Variants in SULT1E1 observed in about 807,000 individuals in gnomAD.
The protein encoded by SULT1E1 is sulfotransferase 1E1.
SULT1E1 carries 36 observed loss-of-function variants against 33.6 expected under a neutral mutation model. The ratio of observed to expected loss-of-function variants is 1.07; its 90% CI spans 0.82 to 1.41. SULT1E1 has a LOEUF of 1.41. Ranked by LOEUF, SULT1E1 falls within the 40% of genes most tolerant of loss-of-function variation. The probability of loss-of-function intolerance (pLI) is 0.00; values close to 1 mark genes in which losing one functional copy is unlikely to be tolerated. For missense variants in SULT1E1, 371 were observed against 345.7 expected (o/e 1.07, Z -0.58); for synonymous variants, 121 against 111.7 (o/e 1.08, Z -0.53).
At chr4:69,825,573 T>C in the SULT1E1 span, among the ~76,000 whole-genome samples, 1 of 152,290 alleles carries the variant, frequency 6.6e-6, no homozygotes, top group African/African-American at 2.4e-5. Context: ...TCAGGCTTTC[T>C]GGGAAAGTGT....
chr4:69,834,858 A>G, the SULT1E1 span, among the ~76,000 whole-genome samples: 1 of 152,006 alleles, frequency 6.6e-6, no homozygotes, highest in Non-Finnish European at 1.5e-5. Flanking sequence ...CGCTGTTTCT[A>G]TTTCCTCATT....
chr4:69,849,424 A>G lies in SULT1E1; in HGVS notation c.496+13T>C. 6.2e-7 allele frequency: 1 copy of G among 1,608,592 alleles called. No homozygotes were observed. Among genetic ancestry groups the G allele is most frequent in the African/African-American group, 1.3e-5 (1 of 74,762 alleles). On this transcript the variant is annotated intron_variant, in intron 5 of 7. Transcript: ENST00000226444. ...CCTTGAAAAAAAATTCAGTGTAAAG[A>G]AGCTGTTCCTACCCTGTCCTTGCAT...
chr4:69,827,855 T>A, the SULT1E1 span, among the ~76,000 whole-genome samples: 5 of 152,200 alleles, frequency 3.3e-5, no homozygotes, highest in Admixed American at 6.5e-5. Flanking sequence ...GAGGGCTTGT[T>A]ATCAGTGTGG....
chr4:69,835,110 C>T, the SULT1E1 span, among the ~76,000 whole-genome samples: 1 of 152,136 alleles, frequency 6.6e-6, no homozygotes, highest in Non-Finnish European at 1.5e-5. Context: ...ACTCTTTTAC[C>T]TAGTCCTTCA....
At chr4:69,854,047 T>C (rs1336441133) in intron 4 of SULT1E1, among the ~76,000 whole-genome samples, 170 bp downstream of exon 4, 2 of 152,054 alleles carry the variant, frequency 1.3e-5, no homozygotes, top group African/African-American at 2.4e-5. Context: ...AAAGACAGAG[T>C]TGGAATTAAA....
At chr4:69,841,135 T>C (rs936199694), downstream of SULT1E1, 5 of 152,180 alleles carry the variant, frequency 3.3e-5, no homozygotes, top group African/African-American at 9.6e-5. Context: ...TCATTCTTTC[T>C]TCCAGAGTCT....
chr4:69,858,691 A>G (rs1006962142), intron 1 of SULT1E1, among the ~76,000 whole-genome samples: 1 of 152,156 alleles, frequency 6.6e-6, no homozygotes, highest in Non-Finnish European at 1.5e-5. Context: ...ATGTAATGTC[A>G]CCAAAAATAT....
intron 6 of SULT1E1, 114 bp from the exon 7 acceptor site, chr4:69,844,455 T>TCTAA: frequency 2.6e-6 from 2 of 783,328 alleles, no homozygotes; most frequent in Non-Finnish European, 3.8e-6. Context: ...TAGAATTAGA[T>TCTAA]TTCTAATGAG....
At chr4:69,853,099 T>C (rs1721160077) in intron 4 of SULT1E1, among the ~76,000 whole-genome samples, 1 of 152,100 alleles carries the variant, frequency 6.6e-6, no homozygotes, top group Non-Finnish European at 1.5e-5. Flanking sequence ...ATGTCAAATA[T>C]GCCATGTAAC....
In SULT1E1 at chr4:69,847,682, G is replaced by A. The variant is rs746467926; in HGVS notation, c.591+16C>T. 1.3e-6 allele frequency: 2 copies of A among 1,540,912 alleles called. No homozygotes were observed. Among genetic ancestry groups the A allele is most frequent in the Non-Finnish European group, 1.8e-6 (2 of 1,126,720 alleles). On this transcript the variant is annotated intron_variant, in intron 6 of 7. Coordinates refer to ENST00000226444, the MANE Select transcript of SULT1E1 (RefSeq NM_005420.3). The stretch of plus-strand genomic sequence containing the variant: ...TTAGAAATTACCAAGTTGCTTATGT[G>A]TTCCCAGTTCCTCACCTCTTTCAGG...
Position 69,847,766 on chromosome 4 carries a change from C to G in SULT1E1, c.523G>C (p.Val175Leu). The change falls in exon 6 of 8, where the codon GTA becomes CTA. Residue 175 changes from valine to leucine, a missense_variant. Physicochemically the swap from Val to Leu is conservative, Grantham distance 32. Transcript: ENST00000226444. ...TTTCCCTTTTCCCACCAAGATTTTA[C>G]ATGTTTATACCAGGAACCATAAGGA... The part of the protein sequence containing the change: ...QVPYGSWYKH[V>L]KSWWEKGKSP... 1 of 1,609,070 alleles carries G rather than the reference C, an allele frequency of 6.2e-7. No individual in the cohort carries two copies. The highest frequency in any genetic ancestry group is 8.5e-7 in the Non-Finnish European group (1 of 1,176,648).
intron 5 of SULT1E1, among the ~76,000 whole-genome samples, chr4:69,848,301 C>A (rs745467576): frequency 6.6e-6 from 1 of 151,536 alleles, no homozygotes; most frequent in Non-Finnish European, 1.5e-5. Context: ...TCGTAGGTAC[C>A]CTTAGTGTCA....
At chr4:69,838,282 G>GTT (rs1375800639), downstream of SULT1E1, among the ~76,000 whole-genome samples, 6 of 151,044 alleles carry the variant, frequency 4.0e-5, no homozygotes, top group African/African-American at 4.9e-5. Flanking sequence ...TAATTTAATT[G>GTT]TTTTTATTTT....
At position 69,857,509 on chromosome 4, in the gene SULT1E1, G is replaced by A. The variant is rs1721267005; in HGVS notation, c.136C>T (p.Pro46Ser). The A allele has an allele frequency of 1.3e-6, 2 of 1,599,056 alleles. No homozygotes were observed. Among genetic ancestry groups the A allele is most frequent in the African/African-American group, 1.4e-5 (1 of 73,786 alleles). Residue 46 changes from proline to serine, a missense_variant, in exon 2 of 8, where the codon CCT (proline) becomes TCT (serine). By Grantham distance (74) the Pro-to-Ser change is moderately conservative. Transcript: ENST00000226444. Reference protein sequence around the residue: ...RPDDLVIATYPKSGTTWVSEI... With the variant: ...RPDDLVIATYSKSGTTWVSEI... ...CAACAAAGAGATTTACCAGATTTAG[G>A]GTAGGTGGCAATGACAAGATCATCT...
chr4:69,829,510 T>C, the SULT1E1 span, among the ~76,000 whole-genome samples: 1 of 152,170 alleles, frequency 6.6e-6, no homozygotes, highest in African/African-American at 2.4e-5. Flanking sequence ...GCTTCCAGGG[T>C]CTTTTCTGCA....
At chr4:69,827,659 G>T in the SULT1E1 span, among the ~76,000 whole-genome samples, 1 of 152,108 alleles carries the variant, frequency 6.6e-6, no homozygotes, top group Non-Finnish European at 1.5e-5. Flanking sequence ...CGAGCCCTGG[G>T]CCCTGAACAA....
At chr4:69,848,087 GGT>G (rs3077575) in intron 5 of SULT1E1, among the ~76,000 whole-genome samples, 71,788 of 148,176 alleles carry the variant, frequency 0.48, 18,318 homozygotes, top group South Asian at 0.62. Flanking sequence ...TGTTGAAACT[GGT>G]GTGTGTGTGT....
chr4:69,854,651 A>G lies in SULT1E1; in HGVS notation c.272-337T>C, dbSNP rs544634924. On this transcript the variant is annotated intron_variant, in intron 3 of 7. Coordinates refer to ENST00000226444, the MANE Select transcript of SULT1E1 (RefSeq NM_005420.3). ...ATATAGATAGAGAAAATTACATAGA[A>G]AAATATAAAATGAAATAAAATTTCA... is the stretch of plus-strand genomic sequence containing the variant. Among the ~76,000 whole-genome samples, 6 of 152,138 alleles carry G rather than the reference A, an allele frequency of 3.9e-5. No individual in the cohort carries two copies. In the East Asian group the frequency reaches 9.6e-4, roughly 24 times the overall value.
Position 69,843,591 on chromosome 4 carries a change from T to C in SULT1E1, c.772+570A>G, listed in dbSNP as rs141738780. Among the ~76,000 whole-genome samples, 501 of 152,312 alleles carry C rather than the reference T, an allele frequency of 3.3e-3. 4 individuals carry two copies. Among genetic ancestry groups the C allele is most frequent in the African/African-American group, 0.011 (471 of 41,580 alleles). On this transcript the variant is annotated intron_variant, in intron 7 of 7. Transcript: ENST00000226444. Reference sequence around the variant, plus strand: ...GCTCTGAATATCTGAATATCTTACATGCCTTTAAATTTGTTAACTGGCTAT... The same window carrying C: ...GCTCTGAATATCTGAATATCTTACACGCCTTTAAATTTGTTAACTGGCTAT...
Sources: allele counts gnomAD v4.1 joint callset (sites outside exome capture counted in the v4.1 genomes callset), GRCh38; gene constraint gnomAD v4.1.1; transcripts MANE v1.5; gene names NCBI Gene and HGNC (gene_info 2026-07-23, HGNC 2026-07-21).